Variants in JHY observed in about 807,000 individuals in gnomAD.
The protein encoded by JHY is jhy protein homolog.
Under a neutral mutation model 78.0 loss-of-function variants are expected in JHY, and 69 were observed. The observed-to-expected ratio is 0.88, with a 90% CI of 0.73 to 1.08. The LOEUF is 1.08. Ranked by LOEUF, JHY falls within the 50% of genes least tolerant of loss-of-function variation. The probability of loss-of-function intolerance (pLI) is 0.00; values close to 1 mark genes in which losing one functional copy is unlikely to be tolerated. For missense variants in JHY, 944 were observed against 927.8 expected, an observed-to-expected ratio of 1.02 and a Z score of -0.23; for synonymous variants, 368 against 342.6, an observed-to-expected ratio of 1.07 and a Z score of -0.82.
At chr11:122,941,228 C>T (rs1863869110) in intron 5 of JHY, among the ~76,000 whole-genome samples, 1 of 152,198 alleles carries the variant, frequency 6.6e-6, no homozygotes, top group Non-Finnish European at 1.5e-5. Flanking sequence ...GACTCAAGAT[C>T]TCAGCAGTTA....
chr11:122,921,634 T>C (rs1361514985), intron 3 of JHY, among the ~76,000 whole-genome samples: 1 of 152,250 alleles, frequency 6.6e-6, no homozygotes, highest in East Asian at 1.9e-4. Flanking sequence ...TGAAATCTAA[T>C]ACTTTTATAA....
intron 5 of JHY, among the ~76,000 whole-genome samples, chr11:122,940,881 A>G (rs1863862322): frequency 1.4e-5 from 2 of 146,098 alleles, no homozygotes; most frequent in Admixed American, 6.9e-5. Context: ...CTCTCTCTCT[A>G]GTATCATTAT....
intron 3 of JHY, chr11:122,905,096 G>T: frequency 1.9e-6 from 2 of 1,051,856 alleles, no homozygotes; most frequent in South Asian, 2.6e-5. Flanking sequence ...CTGTGTAAAT[G>T]ATATGATATG....
rs1484296294 is a variant in JHY at position 122,903,934 on chromosome 11, A to G, written c.354A>G (p.Pro118=). Residue 118 remains proline, a synonymous_variant, in exon 3 of 9, where the codon CCA becomes CCG. Transcript: ENST00000227349. ...WDQGANNRQQ[P]IEDKYSDLRY... ...CTTCTGCTTTGGGCAGGCAACAACC[A>G]ATAGAAGACAAATATTCAGACCTCC... is the stretch of plus-strand genomic sequence containing the variant. 6.3e-7 allele frequency: 1 copy of G among 1,582,942 alleles called. No individual in the cohort carries two copies. The highest frequency in any genetic ancestry group is 8.6e-7 in the Non-Finnish European group (1 of 1,162,446).
intron 2 of JHY, among the ~76,000 whole-genome samples, chr11:122,902,447 A>G (rs1343719124): frequency 6.6e-6 from 1 of 152,150 alleles, no homozygotes; most frequent in Non-Finnish European, 1.5e-5. Context: ...CCTGAGTGAT[A>G]GAGCAAGACT....
At chr11:122,912,355 G>A (rs978738579) in intron 3 of JHY, among the ~76,000 whole-genome samples, 7 of 151,784 alleles carry the variant, frequency 4.6e-5, no homozygotes, top group South Asian at 2.1e-4. Context: ...CTCTGAGGAC[G>A]TATCATTCAA....
At position 122,946,497 on chromosome 11, in the gene JHY, G is replaced by T; in HGVS notation, c.1635-1G>T. On this transcript the variant is annotated splice_acceptor_variant, in intron 5 of 8. Coordinates refer to ENST00000227349, the MANE Select transcript of JHY (RefSeq NM_024806.4). LOFTEE classifies it high-confidence loss of function. ...TTTGTGCCTTTTTTTTTTTCATTAA[G>T]GAAATTCCATTCTTCTTCTGACAGC... is the stretch of plus-strand genomic sequence containing the variant. 2 of 1,556,714 alleles carry T rather than the reference G, an allele frequency of 1.3e-6. No individual in the cohort carries two copies. Among genetic ancestry groups the T allele is most frequent in the Admixed American group, 2.1e-5 (1 of 46,518 alleles).
intron 6 of JHY, among the ~76,000 whole-genome samples, chr11:122,950,185 T>C (rs1383395641): frequency 2.0e-5 from 3 of 152,106 alleles, no homozygotes; most frequent in East Asian, 3.9e-4. Context: ...AGAAACATCA[T>C]TACATGGTAG....
intron 4 of JHY, chr11:122,926,893 G>A (rs1051270299): frequency 6.6e-6 from 1 of 152,204 alleles, no homozygotes; most frequent in Non-Finnish European, 1.5e-5. Flanking sequence ...AGAATTCTAT[G>A]ACCATGCATT....
At chr11:122,929,121 T>A (rs1462177344) in intron 4 of JHY, among the ~76,000 whole-genome samples, 1 of 151,754 alleles carries the variant, frequency 6.6e-6, no homozygotes, top group Non-Finnish European at 1.5e-5. Flanking sequence ...GAGATGGGGT[T>A]TCTTCATGTT....
intron 5 of JHY, among the ~76,000 whole-genome samples, chr11:122,944,960 G>A (rs1305741255): frequency 6.6e-6 from 1 of 151,960 alleles, no homozygotes; most frequent in Non-Finnish European, 1.5e-5. Flanking sequence ...ATATGCTTAG[G>A]TATGAAATTT....
At position 122,924,944 on chromosome 11, in the gene JHY, C is replaced by T. The variant is rs750413634; in HGVS notation, c.912C>T (p.Ala304=). 1.2e-6 allele frequency: 2 copies of T among 1,614,028 alleles called. No homozygotes were observed. The highest frequency in any genetic ancestry group is 1.1e-5 in the South Asian group (1 of 91,080). The change falls in exon 4 of 9, where the codon GCC becomes GCT. Residue 304 remains alanine (A), a synonymous_variant. Coordinates refer to ENST00000227349, the MANE Select transcript of JHY (RefSeq NM_024806.4). ...RVTDKTSIQN[A]KEMENAAIDP... ...CAGACAAGACGTCTATTCAGAATGC[C>T]AAGGAAATGGAAAATGCTGCCATCG... is the stretch of plus-strand genomic sequence containing the variant.
chr11:122,899,039 C>T (rs1862792058), intron 2 of JHY, among the ~76,000 whole-genome samples: 1 of 152,214 alleles, frequency 6.6e-6, no homozygotes, highest in African/African-American at 2.4e-5. Context: ...AGAAGGCTTT[C>T]CCTGACCTCC....
intron 1 of JHY, among the ~76,000 whole-genome samples, chr11:122,884,672 A>G (rs369996247): frequency 1.8e-3 from 270 of 152,274 alleles, no homozygotes; most frequent in African/African-American, 6.3e-3. Flanking sequence ...CTTAGCTGTA[A>G]TTCAGGCCAA....
rs145581972 is a variant in JHY, at chr11:122,959,256, A to T, written c.2148A>T (p.Glu716Asp). ...CATCTTTATGCGTTTAGGCTTTGGA[A>T]TACGCTAAGACCATCCCCAAACCCA... ...KSAIPRQKAL[E>D]YAKTIPKPKP... Residue 716 changes from glutamate to aspartate, a missense_variant, in exon 9 of 9, where the codon GAA becomes GAT. By Grantham distance (45) the Glu-to-Asp change is conservative. Coordinates refer to ENST00000227349, the MANE Select transcript of JHY (RefSeq NM_024806.4). 2.2e-4 allele frequency: 359 copies of T among 1,613,408 alleles called. No homozygotes were observed. Among genetic ancestry groups the T allele is most frequent in the Middle Eastern group, 3.3e-4 (2 of 6,078 alleles).
At chr11:122,896,202 A>C (rs1460696869) in intron 2 of JHY, among the ~76,000 whole-genome samples, 1 of 152,108 alleles carries the variant, frequency 6.6e-6, no homozygotes, top group Non-Finnish European at 1.5e-5. Flanking sequence ...TTAAAACATC[A>C]ATCTTTTCTG....
intron 7 of JHY, among the ~76,000 whole-genome samples, chr11:122,957,135 A>C (rs1210036812): frequency 6.6e-6 from 1 of 152,208 alleles, no homozygotes; most frequent in Non-Finnish European, 1.5e-5. Flanking sequence ...TGTTAAGGGA[A>C]TACCGGGCGT....
chr11:122,913,200 T>A (rs966155035), intron 3 of JHY, among the ~76,000 whole-genome samples: 32 of 152,066 alleles, frequency 2.1e-4, no homozygotes, highest in African/African-American at 7.7e-4. Context: ...GGGTCCCCGG[T>A]CAATCAAACA....
At chr11:122,902,887 GT>G (rs1862892216) in intron 2 of JHY, among the ~76,000 whole-genome samples, 1 of 152,186 alleles carries the variant, frequency 6.6e-6, no homozygotes, top group African/African-American at 2.4e-5. Context: ...TGAGATTTGG[GT>G]GGGGACACAG....
Sources: allele counts gnomAD v4.1 joint callset (sites outside exome capture counted in the v4.1 genomes callset), GRCh38; gene constraint gnomAD v4.1.1; transcripts MANE v1.5; gene names NCBI Gene and HGNC (gene_info 2026-07-23, HGNC 2026-07-21).